Variants in TTLL13 observed in about 807,000 individuals in gnomAD.
TTLL13 encodes tubulin tyrosine ligase like 13, also known as tubulin polyglutamylase TTLL13.
chr15:90,256,606 TTTC>T, the TTLL13 span, among the ~76,000 whole-genome samples: 427 of 30,542 alleles, frequency 0.014, 14 homozygotes, highest in African/African-American at 0.052. Context: ...TCTTTCTTTC[TTTC>T]CTTCCTTCCT....
the TTLL13 span, among the ~76,000 whole-genome samples, chr15:90,254,652 A>G: frequency 6.6e-6 from 1 of 152,036 alleles, no homozygotes; most frequent in South Asian, 2.1e-4. Context: ...AGCCTGGGCA[A>G]CAGGCAAAAC....
At chr15:90,251,655 C>T in the TTLL13 span, 1 of 1,581,356 alleles carries the variant, frequency 6.3e-7, no homozygotes, top group Non-Finnish European at 8.7e-7. Flanking sequence ...AGCTGCTGTT[C>T]TTCCTCTGGA....
chr15:90,254,829 G>A, the TTLL13 span, among the ~76,000 whole-genome samples: 4 of 152,168 alleles, frequency 2.6e-5, no homozygotes, highest in Non-Finnish European at 4.4e-5. Flanking sequence ...CTGGGCGACA[G>A]AGGGAGACCC....
At chr15:90,258,903 G>A in the TTLL13 span, 2 of 1,614,194 alleles carry the variant, frequency 1.2e-6, no homozygotes, top group Non-Finnish European at 1.7e-6. Context: ...CTTTTCCAGT[G>A]CTACCGACAG....
chr15:90,255,859 C>T, the TTLL13 span: 7 of 1,614,150 alleles, frequency 4.3e-6, no homozygotes, highest in African/African-American at 1.3e-5. Flanking sequence ...ACAACATCTT[C>T]CCCCGCACCT....
the TTLL13 span, among the ~76,000 whole-genome samples, chr15:90,252,415 A>C: frequency 5.3e-3 from 807 of 152,228 alleles, 11 homozygotes; most frequent in African/African-American, 0.018. Context: ...TCCTGGGCTC[A>C]AGTGATCCTC....
chr15:90,265,207 C>G, the TTLL13 span: 1 of 1,356,750 alleles, frequency 7.4e-7, no homozygotes, highest in Non-Finnish European at 9.5e-7. Context: ...GTACTCATTT[C>G]TGCTCATCAA....
chr15:90,253,136 C>A, the TTLL13 span: 3 of 670,490 alleles, frequency 4.5e-6, no homozygotes, highest in Non-Finnish European at 2.5e-6. Context: ...AGAACTACCT[C>A]CCTCTTCAAC....
chr15:90,260,793 G>A, the TTLL13 span, among the ~76,000 whole-genome samples: 9 of 149,766 alleles, frequency 6.0e-5, no homozygotes, highest in African/African-American at 2.2e-4. Flanking sequence ...GGAGGTTGCA[G>A]TGAGCTGAGA....
the TTLL13 span, chr15:90,256,128 T>G: frequency 6.2e-7 from 1 of 1,613,362 alleles, no homozygotes; most frequent in African/African-American, 1.3e-5. Context: ...GACCAGGCCC[T>G]CTCTGCACAT....
the TTLL13 span, chr15:90,256,323 C>T: frequency 6.2e-7 from 1 of 1,613,778 alleles, no homozygotes; most frequent in Non-Finnish European, 8.5e-7. Context: ...GGACCATCAG[C>T]CTTCCCTAGT....
the TTLL13 span, among the ~76,000 whole-genome samples, chr15:90,261,091 T>C: frequency 6.6e-6 from 1 of 151,156 alleles, no homozygotes; most frequent in Non-Finnish European, 1.5e-5. Flanking sequence ...TTCTTTTTTT[T>C]TTTTTTGAGA....
At chr15:90,262,446 C>A in the TTLL13 span, 1 of 1,441,130 alleles carries the variant, frequency 6.9e-7, no homozygotes, top group South Asian at 1.5e-5. Context: ...CCCCTCTTCT[C>A]CCCAACACCA....
chr15:90,257,198 G>T, the TTLL13 span: 3 of 1,613,834 alleles, frequency 1.9e-6, no homozygotes, highest in Non-Finnish European at 2.5e-6. Flanking sequence ...CACATCCTGT[G>T]ACCCTCTCCG....
the TTLL13 span, among the ~76,000 whole-genome samples, chr15:90,252,799 T>TC: frequency 6.6e-6 from 1 of 152,110 alleles, no homozygotes; most frequent in Non-Finnish European, 1.5e-5. Context: ...GGTCAGGAGT[T>TC]CGAGACCAGA....
chr15:90,263,065 C>T, the TTLL13 span: 65 of 1,536,100 alleles, frequency 4.2e-5, no homozygotes, highest in African/African-American at 1.5e-4. Context: ...GACTCTCATC[C>T]GAAGCCTGGG....
chr15:90,250,507 C>G, the TTLL13 span: 7 of 1,270,234 alleles, frequency 5.5e-6, no homozygotes, highest in Admixed American at 2.5e-5. Flanking sequence ...GGGGCAGCAA[C>G]TTTCCCTTAT....
At chr15:90,261,339 A>G in the TTLL13 span, among the ~76,000 whole-genome samples, 1 of 149,490 alleles carries the variant, frequency 6.7e-6, no homozygotes, top group African/African-American at 2.5e-5. Flanking sequence ...TTGGCCTCCC[A>G]AAGTGCTTGC....
the TTLL13 span, chr15:90,259,042 A>G: frequency 1.3e-3 from 2,056 of 1,563,284 alleles, 34 homozygotes; most frequent in African/African-American, 0.025. Context: ...AACTTTTTGC[A>G]TAGATAATAT....
Sources: allele counts gnomAD v4.1 joint callset (sites outside exome capture counted in the v4.1 genomes callset), GRCh38; gene constraint gnomAD v4.1.1; transcripts MANE v1.5; gene names NCBI Gene and HGNC (gene_info 2026-07-23, HGNC 2026-07-21).